ZDHHC11: variants seen among roughly 807,000 people sequenced by gnomAD.
ZDHHC11 encodes zDHHC palmitoyltransferase 11, also known as palmitoyltransferase ZDHHC11.
A neutral mutation model predicts 51.3 loss-of-function variants in ZDHHC11; 44 were observed. The ratio of observed to expected loss-of-function variants is 0.86; its 90% confidence interval spans 0.67 to 1.10. ZDHHC11 has a LOEUF of 1.10. Ranked by LOEUF, ZDHHC11 falls within the 50% of genes least tolerant of loss-of-function variation. The pLI is 0.00. For synonymous variants in ZDHHC11, 163 were observed against 222.0 expected (o/e 0.73, Z 2.36); for missense variants, 400 against 537.7 (o/e 0.74, Z 2.53).
chr5:799,796 TCTTTC>T (rs1403006153), intron 12 of ZDHHC11, among the ~76,000 whole-genome samples: 1 of 151,658 alleles, frequency 6.6e-6, no homozygotes, highest in East Asian at 1.9e-4. Context: ...ATTTACTTCT[TCTTTC>T]CTTGAAAGAT....
intron 5 of ZDHHC11, among the ~76,000 whole-genome samples, chr5:838,580 T>G (rs1445154875): frequency 6.6e-6 from 1 of 152,072 alleles, no homozygotes; most frequent in African/African-American, 2.4e-5. Flanking sequence ...CTGGAGTCAC[T>G]GCCCAGGGAG....
At chr5:798,593 T>C (rs1377103307) in intron 12 of ZDHHC11, among the ~76,000 whole-genome samples, 6 of 150,642 alleles carry the variant, frequency 4.0e-5, no homozygotes, top group Non-Finnish European at 8.9e-5. Context: ...AAGTACTTTC[T>C]GGGATTATGT....
intron 3 of ZDHHC11, among the ~76,000 whole-genome samples, chr5:846,471 C>T (rs1462466833): frequency 6.6e-6 from 1 of 150,748 alleles, no homozygotes; most frequent in Non-Finnish European, 1.5e-5. Context: ...CACCTCTCAT[C>T]TATGAGCCTC....
chr5:802,153 G>T lies in ZDHHC11; in HGVS notation c.1182-989C>A, dbSNP rs1339899719. ...CTCCTGATGGGGTGATTAGCTGGGG[G>T]ACTTGTAGGCTGAGCGGCCAGGCAG... On this transcript the variant is annotated intron_variant, in intron 11 of 12. Transcript: ENST00000283441. Among the ~76,000 whole-genome samples, 5 of 151,362 alleles carry T rather than the reference G, an allele frequency of 3.3e-5. No individual in the cohort carries two copies. In the East Asian group the frequency reaches 9.6e-4, roughly 29 times the overall value.
upstream of ZDHHC11, among the ~76,000 whole-genome samples, chr5:859,102 G>A (rs576891734): frequency 7.9e-5 from 12 of 152,114 alleles, no homozygotes; most frequent in South Asian, 6.2e-4. Flanking sequence ...AGATGGACTC[G>A]GGTGGAGGTG....
chr5:831,099 G>T (rs1379274664), intron 7 of ZDHHC11, among the ~76,000 whole-genome samples: 2 of 149,200 alleles, frequency 1.3e-5, no homozygotes, highest in African/African-American at 4.9e-5. Flanking sequence ...AATGCAACAA[G>T]AACAAAGATA....
chr5:825,162 AC>A lies in ZDHHC11; in HGVS notation c.1023+1del. On this transcript the variant is annotated splice_donor_variant, in intron 8 of 12. Coordinates refer to ENST00000283441, the MANE Select transcript of ZDHHC11 (RefSeq NM_024786.3). LOFTEE classifies it high-confidence loss of function. ...GGTGCATCGCTGGTGACTGCAACTT[AC>A]CCGTGCCGTCGAATCCCCATCCTGG... is the stretch of plus-strand genomic sequence containing the variant. 6.2e-7 allele frequency: 1 copy of A among 1,610,756 alleles called. No homozygotes were observed. Among genetic ancestry groups the A allele is most frequent in the Non-Finnish European group, 8.5e-7 (1 of 1,177,402 alleles).
chr5:841,604 T>C (rs1744980816), intron 4 of ZDHHC11: 2 of 994,782 alleles, frequency 2.0e-6, no homozygotes, highest in South Asian at 8.7e-5. Context: ...CCCTTGCTCA[T>C]GGCCCACTCT....
intron 6 of ZDHHC11, among the ~76,000 whole-genome samples, chr5:836,128 G>C (rs888595145): frequency 6.7e-6 from 1 of 150,186 alleles, no homozygotes; most frequent in African/African-American, 2.5e-5. Flanking sequence ...CAGCCTCCAA[G>C]AGAGGGTCAC....
chr5:821,911 G>A lies in ZDHHC11; in HGVS notation c.1024-16C>T. 1.3e-6 allele frequency: 2 copies of A among 1,599,312 alleles called. No homozygotes were observed. Among genetic ancestry groups the A allele is most frequent in the Non-Finnish European group, 1.7e-6 (2 of 1,170,140 alleles). ...CATCCCCTTCCTGTGGGGAAGTGAA[G>A]CAAAATTCATAGAATGAATTGACAT... is the stretch of plus-strand genomic sequence containing the variant. On this transcript the variant is annotated splice_polypyrimidine_tract_variant and intron_variant, in intron 8 of 12. Transcript: ENST00000283441.
At chr5:827,646 A>G (rs1742458137) in intron 7 of ZDHHC11, among the ~76,000 whole-genome samples, 1 of 151,506 alleles carries the variant, frequency 6.6e-6, no homozygotes, top group African/African-American at 2.4e-5. Context: ...GCAACATTAT[A>G]CGATGATAAA....
At chr5:813,088 A>G (rs61649471) in intron 11 of ZDHHC11, among the ~76,000 whole-genome samples, 29,869 of 132,076 alleles carry the variant, frequency 0.23, 8,896 homozygotes, top group African/African-American at 0.67. Context: ...TGTAGTCCCA[A>G]CACTTTAGGA....
At chr5:857,465 T>C (rs1449983204) in intron 1 of ZDHHC11, among the ~76,000 whole-genome samples, 1 of 152,234 alleles carries the variant, frequency 6.6e-6, no homozygotes, top group African/African-American at 2.4e-5. Context: ...TGTTTCCATC[T>C]GTGTATATGA....
At position 831,667 on chromosome 5, in the gene ZDHHC11, T is replaced by C. The variant is rs1272908626; in HGVS notation, c.935+2106A>G. ...AAGAGACAGTTCTCAACAGAAGATA[T>C]ACAAATGGCCAACAAGCATAGGAAA... On this transcript the variant is annotated intron_variant, in intron 7 of 12. Coordinates refer to ENST00000283441, the MANE Select transcript of ZDHHC11 (RefSeq NM_024786.3). Among the ~76,000 whole-genome samples the C allele has an allele frequency of 1.1e-4, 16 of 148,576 alleles. 1 individual carries two copies. The highest frequency in any genetic ancestry group is 1.5e-5 in the Non-Finnish European group (1 of 66,846).
At chr5:850,222 TG>T in intron 1 of ZDHHC11, 158 bp downstream of exon 1, 1 of 784,506 alleles carries the variant, frequency 1.3e-6, no homozygotes, top group Non-Finnish European at 2.1e-6. Flanking sequence ...AGAGCATGAG[TG>T]GCCACTGGGC....
Position 795,666 on chromosome 5 carries a change from A to T in ZDHHC11, c.*922T>A, listed in dbSNP as rs1204181428. 1 of 153,944 alleles carries T rather than the reference A, an allele frequency of 6.5e-6. No individual in the cohort carries two copies. The highest frequency in any genetic ancestry group is 1.5e-5 in the Non-Finnish European group (1 of 67,918). The allele number at this position is 153,944 out of a possible 1,614,324, so 9.5% of individuals were successfully genotyped here. ...ATTATCTTTTAAAAAATGACTACTA[A>T]ACAGATTAAAATGCAGAGTTCATTA... On this transcript the variant is annotated 3_prime_UTR_variant, in exon 13 of 13. Transcript: ENST00000283441.
intron 6 of ZDHHC11, among the ~76,000 whole-genome samples, 197 bp from the exon 7 acceptor site, chr5:834,004 G>A (rs1278849278): frequency 2.0e-5 from 3 of 152,366 alleles, no homozygotes; most frequent in East Asian, 3.9e-4. Flanking sequence ...ACTGGGAGTG[G>A]GATTCTGGTC....
chr5:853,114 G>A (rs1233518159), upstream of ZDHHC11, among the ~76,000 whole-genome samples: 1 of 149,504 alleles, frequency 6.7e-6, no homozygotes, highest in African/African-American at 2.5e-5. Flanking sequence ...GCCCCACGGA[G>A]GACAATTAGC....
rs531336136 is a variant in ZDHHC11 at position 858,001 on chromosome 5, G to A, written c.-1+873C>T. 2.4e-4 allele frequency among the ~76,000 whole-genome samples: 32 copies of A among 130,622 alleles called. 1 individual carries two copies. The highest frequency in any genetic ancestry group is 3.1e-4 in the African/African-American group (10 of 32,658). The allele number at this position is 130,622 out of a possible 152,430, so 85.7% of individuals were successfully genotyped here. On this transcript the variant is annotated intron_variant, in intron 1 of 3. Coordinates refer to the ZDHHC11 transcript ENST00000685990. ...TATCTTTATGACACCGTGGTCCCCC[G>A]GGTCTGTCCCGGTCCTGTCCCAGGC... is the stretch of plus-strand genomic sequence containing the variant.
Sources: gnomAD v4.1 joint callset for allele counts (sites outside exome capture counted in the v4.1 genomes callset) on GRCh38, gnomAD v4.1.1 for gene constraint, MANE v1.5 for transcripts, NCBI Gene and HGNC (gene_info 2026-07-23, HGNC 2026-07-21) for gene names.